The following RAB27A variants were observed in gnomAD, a reference collection of about 807,000 sequenced individuals.
RAB27A encodes the protein ras-related protein Rab-27A.
A neutral mutation model predicts 20.8 loss-of-function variants in RAB27A; 17 were observed. The observed-to-expected ratio is 0.82, with a 90% CI of 0.56 to 1.23. RAB27A has a LOEUF of 1.23. Ranked by LOEUF, RAB27A falls within the 50% of genes most tolerant of loss-of-function variation. RAB27A has a pLI of 0.00. For synonymous variants in RAB27A, 85 were observed against 92.8 expected, an observed-to-expected ratio of 0.92 and a Z score of 0.48; for missense variants, 277 against 266.7, an observed-to-expected ratio of 1.04 and a Z score of -0.27.
chr15:55,241,134 T>C (rs1713599454), intron 2 of RAB27A, among the ~76,000 whole-genome samples: 1 of 152,190 alleles, frequency 6.6e-6, no homozygotes, highest in South Asian at 2.1e-4. Context: ...CCTAGAAGTA[T>C]AAGAAAGTAC....
chr15:55,304,553 T>C (rs1006351897), intron 2 of RAB27A, among the ~76,000 whole-genome samples: 1 of 152,120 alleles, frequency 6.6e-6, no homozygotes, highest in African/African-American at 2.4e-5. Context: ...CAGCCACTAA[T>C]CTACTTTCTG....
chr15:55,265,098 C>T (rs1448898371), intron 2 of RAB27A, among the ~76,000 whole-genome samples: 2 of 152,072 alleles, frequency 1.3e-5, no homozygotes, highest in East Asian at 1.9e-4. Flanking sequence ...CAAAATTAGC[C>T]GGGCGTGGCG....
At chr15:55,267,112 A>T (rs1206535074) in intron 2 of RAB27A, among the ~76,000 whole-genome samples, 1 of 152,170 alleles carries the variant, frequency 6.6e-6, no homozygotes, top group African/African-American at 2.4e-5. Context: ...CAGAGGTACA[A>T]ACTTGAAGTG....
At chr15:55,298,760 G>A (rs914466497) in intron 2 of RAB27A, among the ~76,000 whole-genome samples, 8 of 152,180 alleles carry the variant, frequency 5.3e-5, no homozygotes, top group East Asian at 1.9e-4. Flanking sequence ...ACCCAGGGGG[G>A]CCGTCTATAG....
At chr15:55,218,028 G>A (rs1346274267) in intron 6 of RAB27A, among the ~76,000 whole-genome samples, 2 of 152,176 alleles carry the variant, frequency 1.3e-5, no homozygotes, top group African/African-American at 2.4e-5. Flanking sequence ...TCAGCATCCT[G>A]ATTTCTTTTC....
chr15:55,296,725 T>C (rs369531227), intron 2 of RAB27A, among the ~76,000 whole-genome samples: 3 of 152,164 alleles, frequency 2.0e-5, no homozygotes, highest in Non-Finnish European at 2.9e-5. Flanking sequence ...GAGCCTCTGA[T>C]GACATGTGGG....
Position 55,304,466 on chromosome 15 carries a change from A to G in RAB27A, c.-112+9573T>C, listed in dbSNP as rs1296326334. Among the ~76,000 whole-genome samples, 8 of 123,230 alleles carry G rather than the reference A, an allele frequency of 6.5e-5. No individual in the cohort carries two copies. In the East Asian group the frequency reaches 2.4e-3, roughly 37 times the overall value. 80.8% of individuals were successfully genotyped at this position (123,230 alleles called of 152,430 possible). On this transcript the variant is annotated intron_variant, in intron 2 of 5. Transcript: ENST00000563262. ...ACACCCAAGAATTATCAATAAAAAA[A>G]TAAATTTAAAAAAAAGAAAAAAAAA... is the stretch of plus-strand genomic sequence containing the variant.
At chr15:55,297,049 A>G (rs1051140343) in intron 2 of RAB27A, among the ~76,000 whole-genome samples, 1 of 152,202 alleles carries the variant, frequency 6.6e-6, no homozygotes, top group Non-Finnish European at 1.5e-5. Flanking sequence ...GCAAGCCACA[A>G]ATGCATCCAG....
chr15:55,214,519 A>G (rs1895189577), intron 6 of RAB27A, among the ~76,000 whole-genome samples: 1 of 152,244 alleles, frequency 6.6e-6, no homozygotes, highest in Admixed American at 6.5e-5. Context: ...GAGTTCTGCA[A>G]GGCAGAGTTG....
At position 55,223,917 on chromosome 15, in the gene RAB27A, C is replaced by A. The variant is rs75258234; in HGVS notation, c.439G>T (p.Glu147Ter). 6.2e-7 allele frequency: 1 copy of A among 1,613,818 alleles called. No homozygotes were observed. Among genetic ancestry groups the A allele is most frequent in the Non-Finnish European group, 8.5e-7 (1 of 1,179,856 alleles). ...LEDQRVVKEE[E>*]AIALAEKYGI... ...TATTTCTCTGCGAGTGCTATGGCTT[C>A]CTCCTCTTTCACTACTCTCTGGTCC... Residue 147 changes from glutamate (E) to a stop codon, truncating the protein, a stop_gained, in exon 6 of 7, where the codon GAA (glutamate) becomes TAA (stop). Coordinates refer to ENST00000336787, the MANE Select transcript of RAB27A (RefSeq NM_183235.3). LOFTEE classifies it high-confidence loss of function.
At chr15:55,226,559 C>T (rs1373971801) in intron 5 of RAB27A, among the ~76,000 whole-genome samples, 2 of 151,756 alleles carry the variant, frequency 1.3e-5, no homozygotes, top group African/African-American at 4.8e-5. Flanking sequence ...GTGTATTAAG[C>T]TATTATTTTT....
intron 6 of RAB27A, among the ~76,000 whole-genome samples, chr15:55,212,562 C>G (rs1895078062): frequency 7.4e-6 from 1 of 135,732 alleles, no homozygotes; most frequent in African/African-American, 3.2e-5. Flanking sequence ...GACAGTCTCA[C>G]TCTGTTGCCC....
intron 2 of RAB27A, among the ~76,000 whole-genome samples, chr15:55,304,538 CCT>C (rs765940061): frequency 2.8e-4 from 43 of 152,234 alleles, no homozygotes; most frequent in East Asian, 3.9e-4. Flanking sequence ...TCATTCAACC[CCT>C]GTCAGCCACT....
At chr15:55,261,366 C>T (rs1897261398) in intron 2 of RAB27A, among the ~76,000 whole-genome samples, 2 of 151,530 alleles carry the variant, frequency 1.3e-5, no homozygotes. Flanking sequence ...CACTGCACTC[C>T]AGCCTGGGTG....
In RAB27A at chr15:55,230,480, T is replaced by G; in HGVS notation, c.160A>C (p.Arg54=). 3.7e-6 allele frequency: 6 copies of G among 1,613,046 alleles called. No homozygotes were observed. Among genetic ancestry groups the G allele is most frequent in the Non-Finnish European group, 5.1e-6 (6 of 1,179,124 alleles). ...IDFREKRVVY[R]ASGPDGATGR... is the part of the protein sequence containing the mutation. ...GTGGCTCCATCCGGCCCACTGGCTC[T>G]GTACACCTAAAACAGCAAAGTGAAA... Residue 54 remains arginine (R), a synonymous_variant, in exon 4 of 7, where the codon AGA becomes CGA. Coordinates refer to ENST00000336787, the MANE Select transcript of RAB27A (RefSeq NM_183235.3).
intron 2 of RAB27A, among the ~76,000 whole-genome samples, chr15:55,246,592 T>G (rs1896695450): frequency 6.6e-6 from 1 of 151,464 alleles, no homozygotes; most frequent in South Asian, 2.1e-4. Context: ...TACCCCTTGC[T>G]CCATAGATAT....
At position 55,228,727 on chromosome 15, in the gene RAB27A, G is replaced by A. The variant is rs1284631962; in HGVS notation, c.240-15C>T. The A allele has an allele frequency of 1.9e-6, 3 of 1,578,208 alleles. No homozygotes were observed. The highest frequency in any genetic ancestry group is 2.2e-5 in the East Asian group (1 of 44,716). ...AGCTACGAAACCTAGGAACATAAAA[G>A]CAGAATGGTCAGTTAAACCACGGCC... On this transcript the variant is annotated splice_polypyrimidine_tract_variant and intron_variant, in intron 4 of 6. Coordinates refer to ENST00000336787, the MANE Select transcript of RAB27A (RefSeq NM_183235.3).
chr15:55,250,291 G>A (rs1896840611), intron 2 of RAB27A, among the ~76,000 whole-genome samples: 1 of 151,622 alleles, frequency 6.6e-6, no homozygotes, highest in Non-Finnish European at 1.5e-5. Context: ...TTAAAAACTG[G>A]AATAAAAAAA....
Position 55,230,501 on chromosome 15 carries a change from T to C in RAB27A, c.154-15A>G. The C allele has an allele frequency of 6.2e-7, 1 of 1,603,982 alleles. No homozygotes were observed. The highest frequency in any genetic ancestry group is 8.5e-7 in the Non-Finnish European group (1 of 1,171,368). ...GCTCTGTACACCTAAAACAGCAAAG[T>C]GAAAGAGAAAACAAAAGAGAACTTC... On this transcript the variant is annotated splice_polypyrimidine_tract_variant and intron_variant, in intron 3 of 6. Coordinates refer to ENST00000336787, the MANE Select transcript of RAB27A (RefSeq NM_183235.3).
Sources: gnomAD v4.1 joint callset for allele counts (sites outside exome capture counted in the v4.1 genomes callset) on GRCh38, gnomAD v4.1.1 for gene constraint, MANE v1.5 for transcripts, NCBI Gene and HGNC (gene_info 2026-07-23, HGNC 2026-07-21) for gene names.